SLC22A23: variants seen among roughly 807,000 people sequenced by gnomAD.
SLC22A23 encodes the protein ion transporter protein.
Under a neutral mutation model 61.0 loss-of-function variants are expected in SLC22A23, and 26 were observed. That is an observed-to-expected ratio of 0.43 (90% CI 0.31 to 0.59). The LOEUF is 0.59. SLC22A23 is among the 20% of genes least tolerant of loss of function. SLC22A23 has a pLI of 0.11. For missense variants in SLC22A23, 796 were observed against 934.7 expected (o/e 0.85, Z 1.94); for synonymous variants, 430 against 413.9 (o/e 1.04, Z -0.47).
At chr6:3,411,541 T>C in intron 2 of SLC22A23, among the ~76,000 whole-genome samples, 1 of 152,160 alleles carries the variant, frequency 6.6e-6, no homozygotes, top group East Asian at 1.9e-4. Flanking sequence ...GTGATGGCTG[T>C]ACAACTCTGC....
chr6:3,405,102 T>C (rs1768714845), intron 3 of SLC22A23, among the ~76,000 whole-genome samples: 1 of 151,586 alleles, frequency 6.6e-6, no homozygotes, highest in South Asian at 2.1e-4. Flanking sequence ...CTACTAAAAA[T>C]ACAAAAAAAT....
At chr6:3,334,110 T>C (rs893788029) in intron 3 of SLC22A23, among the ~76,000 whole-genome samples, 1 of 152,208 alleles carries the variant, frequency 6.6e-6, no homozygotes, top group African/African-American at 2.4e-5. Flanking sequence ...TGCTTTAGAG[T>C]TTATAACACC....
At chr6:3,299,027 C>T (rs994273495) in intron 4 of SLC22A23, among the ~76,000 whole-genome samples, 7 of 151,052 alleles carry the variant, frequency 4.6e-5, no homozygotes, top group East Asian at 3.9e-4. Flanking sequence ...GTGATATTTG[C>T]GATGATGGGC....
intron 3 of SLC22A23, among the ~76,000 whole-genome samples, chr6:3,365,352 GC>G (rs1765739061): frequency 6.6e-6 from 1 of 152,062 alleles, no homozygotes; most frequent in Non-Finnish European, 1.5e-5. Context: ...AAAATAAACC[GC>G]CCTAGCTCCA....
In SLC22A23 at chr6:3,308,945, A is replaced by AAAAC. The variant is rs774154528; in HGVS notation, c.1083-10731_1083-10728dup. Among the ~76,000 whole-genome samples, 3 of 152,020 alleles carry AAAAC rather than the reference A, an allele frequency of 2.0e-5. No homozygotes were observed. Among genetic ancestry groups the AAAAC allele is most frequent in the Non-Finnish European group, 4.4e-5 (3 of 68,020 alleles). ...GCGACAGAGCGAGACTCTGTCTCAA[A>AAAAC]AAACAAACAAACAAACCAACCAAAA... is the stretch of plus-strand genomic sequence containing the variant. On this transcript the variant is annotated intron_variant, in intron 4 of 9. Transcript: ENST00000406686. The surrounding 1 kb of genome is among the most constrained non-coding windows in gnomAD (Gnocchi z 5.1).
At chr6:3,344,851 T>C (rs1764333610) in intron 3 of SLC22A23, among the ~76,000 whole-genome samples, 2 of 152,224 alleles carry the variant, frequency 1.3e-5, no homozygotes, top group African/African-American at 4.8e-5. Flanking sequence ...CTTCTGGAGC[T>C]AGAAGCAAAC....
chr6:3,456,606 G>C lies in SLC22A23; in HGVS notation c.-47C>G. 1.0e-6 allele frequency: 1 copy of C among 973,816 alleles called. No individual in the cohort carries two copies. Among genetic ancestry groups the C allele is most frequent in the South Asian group, 4.7e-5 (1 of 21,200 alleles). 60.3% of individuals were successfully genotyped at this position (973,816 alleles called of 1,614,324 possible). ...CAGAGGCGCATAGAGCGCGGCGGAG[G>C]CTCCGCGGGCGCCCCGGGCACAGCG... On this transcript the variant is annotated 5_prime_UTR_variant, in exon 1 of 10. Transcript: ENST00000406686. The surrounding 1 kb of genome is among the most constrained non-coding windows in gnomAD (Gnocchi z 7.1).
chr6:3,435,402 C>T (rs1281182171), intron 1 of SLC22A23, among the ~76,000 whole-genome samples: 1 of 151,912 alleles, frequency 6.6e-6, no homozygotes, highest in East Asian at 1.9e-4. Context: ...CCTTTCCCTC[C>T]TCCTCCCCTA....
rs941500962 is a variant in SLC22A23, at chr6:3,328,436, G to C, written c.914-4434C>G. Reference sequence around the variant, plus strand: ...CAGGGTAGACACTTTATGTGACGGAGGAGGAAGGCCTGAGGGAGTGGGGTG... The same window carrying C: ...CAGGGTAGACACTTTATGTGACGGACGAGGAAGGCCTGAGGGAGTGGGGTG... On this transcript the variant is annotated intron_variant, in intron 3 of 9. Transcript: ENST00000406686. The surrounding 1 kb of genome is among the most constrained non-coding windows in gnomAD (Gnocchi z 5.0). Among the ~76,000 whole-genome samples the C allele has an allele frequency of 2.5e-4, 38 of 152,282 alleles. No individual in the cohort carries two copies. The highest frequency in any genetic ancestry group is 8.9e-4 in the African/African-American group (37 of 41,558).
chr6:3,429,105 A>G (rs1770692895), intron 1 of SLC22A23, among the ~76,000 whole-genome samples: 1 of 152,218 alleles, frequency 6.6e-6, no homozygotes, highest in Non-Finnish European at 1.5e-5. Flanking sequence ...ATGTGAACAC[A>G]GTGCAAAATT....
At chr6:3,415,600 G>A (rs1309639281) in intron 2 of SLC22A23, among the ~76,000 whole-genome samples, 152 bp downstream of exon 2, 1 of 152,138 alleles carries the variant, frequency 6.6e-6, no homozygotes, top group African/African-American at 2.4e-5. Context: ...CCATTTCTCC[G>A]AGCTCTGCAT....
chr6:3,430,469 C>T (rs1042165041), intron 1 of SLC22A23, among the ~76,000 whole-genome samples: 1 of 152,188 alleles, frequency 6.6e-6, no homozygotes, highest in African/African-American at 2.4e-5. Context: ...CCACCCAGTC[C>T]CCAGTATTGT....
Position 3,390,418 on chromosome 6 carries a change from A to G in SLC22A23, c.913+19770T>C, listed in dbSNP as rs751549495. On this transcript the variant is annotated intron_variant, in intron 3 of 9. Coordinates refer to ENST00000406686, the MANE Select transcript of SLC22A23 (RefSeq NM_015482.2). The surrounding 1 kb of genome is among the most constrained non-coding windows in gnomAD (Gnocchi z 4.0). ...CTCTCTCCTCCCTCCCCAAAGTCCA[A>G]TTAAGTCCAAGTGCCAACCTAACAT... is the stretch of plus-strand genomic sequence containing the variant. Among the ~76,000 whole-genome samples the G allele has an allele frequency of 2.0e-5, 3 of 152,012 alleles. No homozygotes were observed. The highest frequency in any genetic ancestry group is 4.4e-5 in the Non-Finnish European group (3 of 67,992).
chr6:3,297,853 T>G lies in SLC22A23; in HGVS notation c.1210+238A>C, dbSNP rs1761252850. On this transcript the variant is annotated intron_variant, in intron 5 of 9. Coordinates refer to ENST00000406686, the MANE Select transcript of SLC22A23 (RefSeq NM_015482.2). The surrounding 1 kb of genome is among the most constrained non-coding windows in gnomAD (Gnocchi z 4.3). ...GTATATTGGGCTCATGGCTCGCTTCTGCATTTAGACAGGAGATGAGCAGAT... is the reference window on the plus strand; with the variant it reads ...GTATATTGGGCTCATGGCTCGCTTCGGCATTTAGACAGGAGATGAGCAGAT... 6.6e-6 allele frequency among the ~76,000 whole-genome samples: 1 copy of G among 152,226 alleles called. No homozygotes were observed. Among genetic ancestry groups the G allele is most frequent in the Admixed American group, 6.5e-5 (1 of 15,284 alleles).
chr6:3,430,395 AG>A (rs1770781652), intron 1 of SLC22A23, among the ~76,000 whole-genome samples: 2 of 152,006 alleles, frequency 1.3e-5, no homozygotes, highest in South Asian at 2.1e-4. Flanking sequence ...CACATGTTCA[AG>A]GCAGGCCACC....
intron 4 of SLC22A23, among the ~76,000 whole-genome samples, chr6:3,319,762 G>T (rs993848180): frequency 2.0e-5 from 3 of 152,196 alleles, no homozygotes; most frequent in Non-Finnish European, 2.9e-5. Context: ...TTTCTTCCGT[G>T]TGAGTCCTGG....
chr6:3,444,409 T>G (rs1328401715), intron 1 of SLC22A23, among the ~76,000 whole-genome samples: 1 of 152,240 alleles, frequency 6.6e-6, no homozygotes, highest in African/African-American at 2.4e-5. Context: ...AACTTGCCCC[T>G]ACGTTTGCTC....
At position 3,318,321 on chromosome 6, in the gene SLC22A23, A is replaced by G. The variant is rs1029562561; in HGVS notation, c.1082+5513T>C. ...AAGTGTACTTTTCACACACAAACCA[A>G]CCCATCCAGAGCCGATACCCCAACC... On this transcript the variant is annotated intron_variant, in intron 4 of 9. Coordinates refer to ENST00000406686, the MANE Select transcript of SLC22A23 (RefSeq NM_015482.2). This position sits in a 1 kb window ranked among gnomAD's most constrained non-coding sequence, Gnocchi z 4.3. Among the ~76,000 whole-genome samples, 6 of 151,538 alleles carry G rather than the reference A, an allele frequency of 4.0e-5. No individual in the cohort carries two copies. Among genetic ancestry groups the G allele is most frequent in the African/African-American group, 1.5e-4 (6 of 41,168 alleles).
rs1459542679 is a variant in SLC22A23 at position 3,387,867 on chromosome 6, C to T, written c.913+22321G>A. 6.6e-6 allele frequency among the ~76,000 whole-genome samples: 1 copy of T among 152,140 alleles called. No individual in the cohort carries two copies. The highest frequency in any genetic ancestry group is 1.5e-5 in the Non-Finnish European group (1 of 68,018). On this transcript the variant is annotated intron_variant, in intron 3 of 9. Transcript: ENST00000406686. This position sits in a 1 kb window ranked among gnomAD's most constrained non-coding sequence, Gnocchi z 5.0. ...GGGTGAGTGGCAGGAAAGGAGAAGG[C>T]AGGCCGCAGCGAGGATGTCCTGGCA...
Sources: gnomAD v4.1 joint callset for allele counts (sites outside exome capture counted in the v4.1 genomes callset) on GRCh38, gnomAD v4.1.1 for gene constraint, Gnocchi (gnomAD v3.1) non-coding constraint, MANE v1.5 for transcripts, NCBI Gene and HGNC (gene_info 2026-07-23, HGNC 2026-07-21) for gene names.